The following ATRNL1 variants were observed in gnomAD, a reference collection of about 807,000 sequenced individuals.
ATRNL1 encodes attractin like 1.
A neutral mutation model predicts 182.7 loss-of-function variants in ATRNL1; 95 were observed. That is an observed-to-expected ratio of 0.52 (90% CI 0.44 to 0.62). The LOEUF is 0.62. Ranked by LOEUF, ATRNL1 falls within the 20% of genes least tolerant of loss-of-function variation. ATRNL1 has a pLI of 0.00. For missense variants in ATRNL1, 1,471 were observed against 1,679.5 expected, an observed-to-expected ratio of 0.88 and a Z score of 2.17; for synonymous variants, 576 against 568.3, an observed-to-expected ratio of 1.01 and a Z score of -0.19.
At chr10:115,352,727 G>A (rs1193772518) in intron 19 of ATRNL1, among the ~76,000 whole-genome samples, 1 of 152,056 alleles carries the variant, frequency 6.6e-6, no homozygotes, top group African/African-American at 2.4e-5. Flanking sequence ...GAGAAACCCT[G>A]TCTGTACTAA....
At chr10:115,898,642 G>A (rs1220979011) in intron 28 of ATRNL1, among the ~76,000 whole-genome samples, 1 of 152,138 alleles carries the variant, frequency 6.6e-6, no homozygotes, top group Non-Finnish European at 1.5e-5. Flanking sequence ...GCCATAACAG[G>A]TCTCCACTCC....
At chr10:115,307,875 T>A (rs1853812136) in intron 17 of ATRNL1, among the ~76,000 whole-genome samples, 1 of 152,194 alleles carries the variant, frequency 6.6e-6, no homozygotes, top group African/African-American at 2.4e-5. Context: ...ATGGTTTTAG[T>A]GTGCTTTTGA....
rs185037640 is a variant in ATRNL1 at position 115,545,416 on chromosome 10, C to T, written c.3717-4042C>T. Among the ~76,000 whole-genome samples, 97 of 152,168 alleles carry T rather than the reference C, an allele frequency of 6.4e-4. 1 individual carries two copies. The highest frequency in any genetic ancestry group is 2.8e-4 in the Non-Finnish European group (19 of 67,998). ...ATTGATTTTAGTAGCCAAGTTTCTA[C>T]GTCACGTTAGCTCTTTTACTGCTAA... On this transcript the variant is annotated intron_variant, in intron 25 of 28. Coordinates refer to ENST00000355044, the MANE Select transcript of ATRNL1 (RefSeq NM_207303.4).
chr10:115,317,419 T>C (rs1282852114), intron 18 of ATRNL1, among the ~76,000 whole-genome samples: 12 of 152,230 alleles, frequency 7.9e-5, no homozygotes, highest in African/African-American at 2.9e-4. Context: ...TTTTTTCTAA[T>C]TCTGTGAAGA....
intron 8 of ATRNL1, among the ~76,000 whole-genome samples, chr10:115,191,914 A>G (rs1193956062): frequency 1.3e-5 from 2 of 152,064 alleles, no homozygotes; most frequent in Non-Finnish European, 2.9e-5. Flanking sequence ...GAAAAGTTCT[A>G]TTCAGATCTT....
At chr10:115,655,048 A>T (rs1278943237) in intron 26 of ATRNL1, among the ~76,000 whole-genome samples, 5 of 152,156 alleles carry the variant, frequency 3.3e-5, no homozygotes, top group Admixed American at 2.0e-4. Context: ...AGAGAGAAAG[A>T]TGGAGAGAGA....
At chr10:115,944,624 G>A (rs138863894) in intron 28 of ATRNL1, 34 bp from the exon 29 acceptor site, 4 of 1,573,106 alleles carry the variant, frequency 2.5e-6, no homozygotes, top group Non-Finnish European at 3.5e-6. Flanking sequence ...AAATGTCTAA[G>A]CAAGCATTTA....
intron 19 of ATRNL1, among the ~76,000 whole-genome samples, chr10:115,344,695 A>G (rs1430326099): frequency 1.3e-5 from 2 of 152,196 alleles, no homozygotes; most frequent in East Asian, 3.9e-4. Context: ...TTTCTCTAAC[A>G]TAAGAGTTTT....
At chr10:115,212,814 A>G (rs1176140740) in intron 8 of ATRNL1, among the ~76,000 whole-genome samples, 1 of 152,160 alleles carries the variant, frequency 6.6e-6, no homozygotes, top group Admixed American at 6.6e-5. Flanking sequence ...ACATGGACAC[A>G]TAGAGGGAAA....
At chr10:115,175,410 A>G (rs1296581851) in intron 8 of ATRNL1, among the ~76,000 whole-genome samples, 3 of 152,066 alleles carry the variant, frequency 2.0e-5, no homozygotes, top group Admixed American at 6.6e-5. Context: ...TGATTACAGA[A>G]TGCCAATTTT....
chr10:115,341,618 C>T (rs531025498), intron 19 of ATRNL1, among the ~76,000 whole-genome samples: 2 of 152,176 alleles, frequency 1.3e-5, no homozygotes, highest in Non-Finnish European at 2.9e-5. Context: ...TTGAAATCTC[C>T]AGCTATTACT....
At chr10:115,116,319 A>C (rs2143581168) in intron 1 of ATRNL1, among the ~76,000 whole-genome samples, 1 of 152,240 alleles carries the variant, frequency 6.6e-6, no homozygotes, top group Admixed American at 6.5e-5. Flanking sequence ...TGTATTAGAA[A>C]TAATATTAGA....
intron 24 of ATRNL1, among the ~76,000 whole-genome samples, chr10:115,483,922 T>G (rs1554974670): frequency 6.6e-6 from 1 of 151,586 alleles, no homozygotes; most frequent in East Asian, 1.9e-4. Flanking sequence ...TTAGGCTAAT[T>G]GTTTGTGAGA....
chr10:115,481,078 T>G (rs1445572843), intron 24 of ATRNL1, among the ~76,000 whole-genome samples: 15 of 150,878 alleles, frequency 9.9e-5, no homozygotes, highest in African/African-American at 2.9e-4. Flanking sequence ...AAAATTTTAA[T>G]GCGGTTTTGT....
intron 8 of ATRNL1, among the ~76,000 whole-genome samples, chr10:115,183,688 G>A (rs1292964849): frequency 6.6e-6 from 1 of 151,420 alleles, no homozygotes; most frequent in African/African-American, 2.4e-5. Flanking sequence ...AGTGGAGAAA[G>A]CACCAGGCCT....
intron 28 of ATRNL1, among the ~76,000 whole-genome samples, chr10:115,894,155 G>T (rs1042203700): frequency 2.6e-5 from 4 of 152,140 alleles, no homozygotes; most frequent in Non-Finnish European, 5.9e-5. Flanking sequence ...CATAATATTA[G>T]ATCAAAGATG....
chr10:115,942,269 A>G (rs1555124467), intron 28 of ATRNL1, among the ~76,000 whole-genome samples: 1 of 152,186 alleles, frequency 6.6e-6, no homozygotes, highest in Non-Finnish European at 1.5e-5. Flanking sequence ...ATTGCTAAAC[A>G]TCTTAAACAT....
chr10:115,266,966 A>G lies in ATRNL1; in HGVS notation c.1942A>G (p.Thr648Ala), dbSNP rs1851633493. 2 of 1,612,064 alleles carry G rather than the reference A, an allele frequency of 1.2e-6. No individual in the cohort carries two copies. Among genetic ancestry groups the G allele is most frequent in the Admixed American group, 3.3e-5 (2 of 59,874 alleles). Residue 648 changes from threonine (T) to alanine (A), a missense_variant, in exon 12 of 29, where the codon ACT becomes GCT. By Grantham distance (58) the Thr-to-Ala change is moderately conservative. This residue lies in a region of ATRNL1 where 1,031 missense variants were observed against 1,156.0 expected (regional missense o/e 0.89). Coordinates refer to ENST00000355044, the MANE Select transcript of ATRNL1 (RefSeq NM_207303.4). ...NHCESWESGN[T>A]NNILRAKCPP... ...CTGTGAATCTTGGGAATCTGGGAAT[A>G]CTAATAATATTCTTAGAGCAAAGTG...
chr10:115,828,829 C>T (rs946949024), intron 27 of ATRNL1, among the ~76,000 whole-genome samples: 5 of 152,092 alleles, frequency 3.3e-5, no homozygotes, highest in Admixed American at 3.3e-4. Flanking sequence ...TCAGCCTGTG[C>T]AGGACAAATC....
Sources: gnomAD v4.1 joint callset for allele counts (sites outside exome capture counted in the v4.1 genomes callset) on GRCh38, gnomAD v4.1.1 for gene constraint, gnomAD v4.1.1 regional missense constraint, MANE v1.5 for transcripts, NCBI Gene and HGNC (gene_info 2026-07-23, HGNC 2026-07-21) for gene names.